ZBTB20: variants seen among roughly 807,000 people sequenced by gnomAD.
ZBTB20 encodes zinc finger and BTB domain-containing protein 20.
ZBTB20 carries 9 observed loss-of-function variants against 56.9 expected under a neutral mutation model. The ratio of observed to expected loss-of-function variants is 0.16; its 90% CI spans 0.10 to 0.28. ZBTB20 has a LOEUF of 0.28. Among genes scored for constraint, ZBTB20 ranks in the 10% least tolerant of loss-of-function variants. ZBTB20 has a pLI of 1.00. For missense variants in ZBTB20, 655 were observed against 1,003.0 expected (o/e 0.65, Z 4.69); for synonymous variants, 417 against 420.7 (o/e 0.99, Z 0.11).
chr3:114,692,297 C>T (rs1388345124), intron 6 of ZBTB20, among the ~76,000 whole-genome samples: 1 of 152,030 alleles, frequency 6.6e-6, no homozygotes, highest in South Asian at 2.1e-4. Context: ...GGGAGGGAGG[C>T]GGAGCTACAA....
intron 6 of ZBTB20, among the ~76,000 whole-genome samples, chr3:114,532,567 C>G (rs926103922): frequency 5.3e-5 from 8 of 152,216 alleles, no homozygotes; most frequent in African/African-American, 1.9e-4. Flanking sequence ...GCAGTTTCAG[C>G]AGACTTAAAC....
chr3:114,861,332 T>G (rs2075517689), intron 4 of ZBTB20, among the ~76,000 whole-genome samples: 1 of 152,212 alleles, frequency 6.6e-6, no homozygotes, highest in African/African-American at 2.4e-5. Context: ...ATACTTTGTC[T>G]TATTCCTTAG....
intron 5 of ZBTB20, chr3:114,759,362 A>G (rs2068271575): frequency 6.6e-6 from 1 of 152,116 alleles, no homozygotes; most frequent in African/African-American, 2.4e-5. Context: ...ACCTCTAATC[A>G]TACTCTTTCA....
At chr3:114,616,900 C>T (rs1434743799) in intron 6 of ZBTB20, among the ~76,000 whole-genome samples, 1 of 152,220 alleles carries the variant, frequency 6.6e-6, no homozygotes, top group Non-Finnish European at 1.5e-5. Context: ...TTCCTTCTCT[C>T]CATGCCCAGC....
intron 3 of ZBTB20, among the ~76,000 whole-genome samples, chr3:114,968,792 G>A (rs1453526651): frequency 6.6e-6 from 1 of 152,104 alleles, no homozygotes; most frequent in Non-Finnish European, 1.5e-5. Context: ...ATTTTCAAAT[G>A]TCTATGGAGA....
chr3:114,825,025 G>C (rs2073451901), intron 4 of ZBTB20, among the ~76,000 whole-genome samples: 1 of 151,814 alleles, frequency 6.6e-6, no homozygotes, highest in South Asian at 2.1e-4. Context: ...TTAATACCCT[G>C]ATGAAAATTT....
chr3:115,107,615 C>T (rs113787007), intron 1 of ZBTB20, among the ~76,000 whole-genome samples: 20 of 152,206 alleles, frequency 1.3e-4, no homozygotes, highest in African/African-American at 4.8e-4. Context: ...ACCAGAAATG[C>T]CATCTGACCC....
chr3:115,053,844 A>G (rs1383465669), intron 2 of ZBTB20, among the ~76,000 whole-genome samples: 1 of 152,140 alleles, frequency 6.6e-6, no homozygotes, highest in Non-Finnish European at 1.5e-5. Flanking sequence ...AAAAGGATGA[A>G]AACAACAGAA....
At chr3:114,648,936 G>T (rs545152878) in intron 6 of ZBTB20, among the ~76,000 whole-genome samples, 1 of 152,016 alleles carries the variant, frequency 6.6e-6, no homozygotes, top group African/African-American at 2.4e-5. Context: ...ATATTTAAAG[G>T]CTTAAAAATA....
intron 6 of ZBTB20, among the ~76,000 whole-genome samples, chr3:114,565,056 A>G (rs1340252202): frequency 6.6e-6 from 1 of 152,208 alleles, no homozygotes; most frequent in African/African-American, 2.4e-5. Context: ...TCATAACAGC[A>G]TAACATCCTT....
intron 1 of ZBTB20, among the ~76,000 whole-genome samples, chr3:115,114,513 T>C (rs2083965653): frequency 6.6e-6 from 1 of 152,130 alleles, no homozygotes; most frequent in Non-Finnish European, 1.5e-5. Context: ...CTAAGAGGTG[T>C]AGCGTTTTAT....
chr3:114,781,819 A>G (rs2070121141), intron 5 of ZBTB20, among the ~76,000 whole-genome samples: 1 of 152,136 alleles, frequency 6.6e-6, no homozygotes, highest in African/African-American at 2.4e-5. Context: ...TGGTGATTTT[A>G]TAAGGGGTTT....
At chr3:115,073,000 T>A (rs1181958340) in intron 1 of ZBTB20, among the ~76,000 whole-genome samples, 1 of 152,224 alleles carries the variant, frequency 6.6e-6, no homozygotes, top group African/African-American at 2.4e-5. Flanking sequence ...ACCTCACAGT[T>A]TAGTTATAAG....
At chr3:114,652,530 C>T (rs759564851) in intron 6 of ZBTB20, among the ~76,000 whole-genome samples, 18 of 151,988 alleles carry the variant, frequency 1.2e-4, no homozygotes, top group Admixed American at 6.5e-4. Flanking sequence ...AATGTAATTA[C>T]CAAACAATAT....
intron 4 of ZBTB20, among the ~76,000 whole-genome samples, chr3:114,872,598 A>AT (rs903926505): frequency 2.6e-5 from 4 of 151,924 alleles, no homozygotes; most frequent in African/African-American, 9.7e-5. Flanking sequence ...AGTTGAAGAC[A>AT]TTTTTGGTAA....
chr3:114,881,063 C>T (rs1285161910), intron 4 of ZBTB20, among the ~76,000 whole-genome samples: 1 of 151,636 alleles, frequency 6.6e-6, no homozygotes. Context: ...TTTCCTAATC[C>T]CTCTCTCCTA....
intron 7 of ZBTB20, among the ~76,000 whole-genome samples, chr3:114,451,064 T>G (rs141486838): frequency 2.6e-5 from 4 of 152,208 alleles, no homozygotes; most frequent in Non-Finnish European, 5.9e-5. Context: ...AGATCTTATT[T>G]AAATCTCTTA....
chr3:114,549,068 A>G (rs1411482731), intron 6 of ZBTB20, among the ~76,000 whole-genome samples: 1 of 152,230 alleles, frequency 6.6e-6, no homozygotes, highest in East Asian at 1.9e-4. Flanking sequence ...CTACTGAGAA[A>G]ATGTGAAAGA....
chr3:114,840,200 T>C (rs2074323135), intron 4 of ZBTB20, among the ~76,000 whole-genome samples: 1 of 150,994 alleles, frequency 6.6e-6, no homozygotes, highest in Admixed American at 6.6e-5. Context: ...TGATGGTAAG[T>C]TTCCCTTGCA....
Sources: allele counts gnomAD v4.1 joint callset (sites outside exome capture counted in the v4.1 genomes callset), GRCh38; gene constraint gnomAD v4.1.1; transcripts MANE v1.5; gene names NCBI Gene and HGNC (gene_info 2026-07-23, HGNC 2026-07-21).